Variants in MACF1 observed in about 807,000 individuals in gnomAD.
The protein encoded by MACF1 is microtubule-actin cross-linking factor 1.
MACF1 carries 193 observed loss-of-function variants against 854.8 expected under a neutral mutation model. The observed-to-expected ratio is 0.23, with a 90% CI of 0.20 to 0.25. The LOEUF (loss-of-function observed/expected upper bound fraction) is 0.25, where lower values mean the gene tolerates loss of function less well. Ranked by LOEUF, MACF1 falls within the 10% of genes least tolerant of loss-of-function variation. The pLI is 1.00. For synonymous variants in MACF1, 3,185 were observed against 3,226.7 expected (o/e 0.99, Z 0.44); for missense variants, 7,722 against 8,929.1 (o/e 0.86, Z 5.45).
intron 43 of MACF1, among the ~76,000 whole-genome samples, chr1:39,351,512 C>T (rs1352035972): frequency 6.7e-6 from 1 of 148,384 alleles, no homozygotes; most frequent in East Asian, 2.0e-4. Flanking sequence ...AGTCCTCTGA[C>T]TAACTGAAAA....
intron 1 of MACF1, among the ~76,000 whole-genome samples, chr1:39,228,284 T>G (rs1297666808): frequency 6.6e-6 from 1 of 152,072 alleles, no homozygotes; most frequent in Non-Finnish European, 1.5e-5. Context: ...CACTCCAGCC[T>G]GGGTGACAAA....
At chr1:39,183,836 G>T (rs914115235) in intron 2 of MACF1, among the ~76,000 whole-genome samples, 12 of 152,272 alleles carry the variant, frequency 7.9e-5, no homozygotes, top group African/African-American at 2.9e-4. Flanking sequence ...TATAGCGAGA[G>T]TAGCTGCAGA....
intron 51 of MACF1, among the ~76,000 whole-genome samples, chr1:39,371,005 G>A (rs59559317): frequency 0.03 from 4,502 of 152,190 alleles, 211 homozygotes; most frequent in African/African-American, 0.1. Context: ...ATAGTTTGGG[G>A]ACTGTGGCTC....
Position 39,332,968 on chromosome 1 carries a change from G to A in MACF1, c.6380G>A (p.Ser2127Asn). 1 of 1,614,164 alleles carries A rather than the reference G, an allele frequency of 6.2e-7. No homozygotes were observed. The highest frequency in any genetic ancestry group is 8.5e-7 in the Non-Finnish European group (1 of 1,180,046). Residue 2127 changes from serine to asparagine, a missense_variant, in exon 37 of 101, where the codon AGC becomes AAC. Ser to Asn is a conservative substitution (Grantham distance 46). Around this residue, in one of 15 missense-constraint regions of MACF1, gnomAD observed 1,531 missense variants for 1,601.6 expected, o/e 0.96. Transcript: ENST00000564288. ...GCAGTGTCTGTCAGAGAAAATGCCA[G>A]CAGGGGACACCTCCTGACCATACCT... ...QTAVSVRENA[S>N]RGHLLTIPPA...
chr1:39,426,666 A>G (rs2148644216), intron 61 of MACF1, among the ~76,000 whole-genome samples: 1 of 152,292 alleles, frequency 6.6e-6, no homozygotes, highest in East Asian at 1.9e-4. Flanking sequence ...GGTCTCAGTG[A>G]CAGTCATGTA....
intron 99 of MACF1, among the ~76,000 whole-genome samples, chr1:39,482,510 TTTTG>T (rs139228213): frequency 0.22 from 32,868 of 151,776 alleles, 3,672 homozygotes; most frequent in Non-Finnish European, 0.24. Flanking sequence ...TTGGGGGTTT[TTTTG>T]TTTGTTTGTT....
intron 58 of MACF1, among the ~76,000 whole-genome samples, chr1:39,403,290 G>C (rs1051651778): frequency 2.6e-5 from 4 of 152,012 alleles, no homozygotes; most frequent in Admixed American, 1.3e-4. Context: ...GTAGAGACGG[G>C]GTTTCGCCAT....
intron 100 of MACF1, 118 bp from the exon 101 acceptor site, chr1:39,485,420 C>A: frequency 1.7e-6 from 2 of 1,192,136 alleles, no homozygotes; most frequent in South Asian, 1.6e-5. Context: ...AACTGGGGTG[C>A]AGAAAGGCTG....
In MACF1 at chr1:39,332,184, C is replaced by G. The variant is rs1293417526; in HGVS notation, c.5596C>G (p.Leu1866Val). 3 of 1,613,868 alleles carry G rather than the reference C, an allele frequency of 1.9e-6. No individual in the cohort carries two copies. The highest frequency in any genetic ancestry group is 2.5e-6 in the Non-Finnish European group (3 of 1,180,026). ...AGAGATCCTCCCAATTACAGATGCCCTAGAACAAGGTATTGTGTCTACTGA... is the reference window on the plus strand; with the variant it reads ...AGAGATCCTCCCAATTACAGATGCCGTAGAACAAGGTATTGTGTCTACTGA... ...SGEILPITDA[L>V]EQGIVSTELA... Residue 1866 changes from leucine to valine, a missense_variant, in exon 37 of 101, where the codon CTA becomes GTA. Coordinates refer to ENST00000564288, the MANE Select transcript of MACF1 (RefSeq NM_001394062.1).
At position 39,349,605 on chromosome 1, in the gene MACF1, A is replaced by G. The variant is rs771291428; in HGVS notation, c.10943A>G (p.Gln3648Arg). The G allele has an allele frequency of 1.9e-6, 3 of 1,614,078 alleles. No homozygotes were observed. The Admixed American group carries it at 5.0e-5, about 27-fold the overall frequency. The change falls in exon 42 of 101, where the codon CAG (glutamine) becomes CGG (arginine). Residue 3648 changes from glutamine (Q) to arginine (R), a missense_variant. Transcript: ENST00000564288. ...RTTQQDLSAL[Q>R]KNQSDLKDLQ... is the part of the protein sequence containing the mutation. Reference sequence around the variant, plus strand: ...ACCCAGCAGGATCTCTCTGCTTTGCAGAAGAACCAAAGTGACTTGAAGGTC... The same window carrying G: ...ACCCAGCAGGATCTCTCTGCTTTGCGGAAGAACCAAAGTGACTTGAAGGTC...
chr1:39,166,842 T>G (rs2148215731), intron 2 of MACF1, among the ~76,000 whole-genome samples: 1 of 152,300 alleles, frequency 6.6e-6, no homozygotes, highest in East Asian at 1.9e-4. Context: ...CTGGCAGCAG[T>G]GTGAAAGATC....
chr1:39,380,365 A>G lies in MACF1; in HGVS notation c.13640A>G (p.Glu4547Gly). 1 of 1,612,914 alleles carries G rather than the reference A, an allele frequency of 6.2e-7. No individual in the cohort carries two copies. The highest frequency in any genetic ancestry group is 8.5e-7 in the Non-Finnish European group (1 of 1,179,552). ...QEAENWKKIQEELNSRWERAT... is the reference protein window; with the variant it reads ...QEAENWKKIQGELNSRWERAT... ...GCAGAAAATTGGAAGAAAATTCAGGAAGAACTCAGTAAGTTTTCACAAGAG... is the reference window on the plus strand; with the variant it reads ...GCAGAAAATTGGAAGAAAATTCAGGGAGAACTCAGTAAGTTTTCACAAGAG... Residue 4547 changes from glutamate (E) to glycine (G), a missense_variant, in exon 55 of 101, where the codon GAA (glutamate) becomes GGA (glycine). Glu to Gly is a moderately conservative substitution (Grantham distance 98). Coordinates refer to ENST00000564288, the MANE Select transcript of MACF1 (RefSeq NM_001394062.1).
intron 2 of MACF1, among the ~76,000 whole-genome samples, chr1:39,185,339 A>G (rs1276628224): frequency 2.6e-5 from 4 of 151,760 alleles, no homozygotes; most frequent in Non-Finnish European, 5.9e-5. Flanking sequence ...AAGATATATC[A>G]GAAGAGCTGG....
intron 46 of MACF1, 40 bp from the exon 47 acceptor site, chr1:39,359,101 A>G (rs957851826): frequency 6.2e-7 from 1 of 1,611,516 alleles, no homozygotes; most frequent in African/African-American, 1.3e-5. Context: ...ATCTTTGATT[A>G]CTTAGATGTT....
In MACF1 at chr1:39,334,821, G is replaced by C. The variant is rs1490919668; in HGVS notation, c.8233G>C (p.Ala2745Pro). 6.2e-7 allele frequency: 1 copy of C among 1,614,028 alleles called. No homozygotes were observed. The highest frequency in any genetic ancestry group is 1.3e-5 in the African/African-American group (1 of 74,932). ...TGATCAGAGAGTGACTTTAGTAGAA[G>C]CTATTGAGAAAAGACTGATCAGCCC... ...FSDQRVTLVE[A>P]IEKRLISPEL... Residue 2745 changes from alanine to proline, a missense_variant, in exon 37 of 101, where the codon GCT becomes CCT. By Grantham distance (27) the Ala-to-Pro change is conservative (BLOSUM62 -1). This residue lies in a region of MACF1 where 1,531 missense variants were observed against 1,601.6 expected (regional missense o/e 0.96). Coordinates refer to ENST00000564288, the MANE Select transcript of MACF1 (RefSeq NM_001394062.1).
intron 22 of MACF1, 139 bp from the exon 23 acceptor site, chr1:39,302,785 A>T (rs1368008023): frequency 1.4e-6 from 1 of 718,050 alleles, no homozygotes; most frequent in Non-Finnish European, 2.2e-6. Context: ...CAAAAATCAG[A>T]AGCCCTCACT....
chr1:39,264,126 A>T (rs1645201951), intron 6 of MACF1, among the ~76,000 whole-genome samples: 1 of 152,182 alleles, frequency 6.6e-6, no homozygotes, highest in Non-Finnish European at 1.5e-5. Flanking sequence ...GCAGCTGTGT[A>T]ACACATCTAT....
chr1:39,268,922 C>T (rs551397317), intron 6 of MACF1: 61 of 1,287,772 alleles, frequency 4.7e-5, no homozygotes, highest in Middle Eastern at 2.1e-4. Flanking sequence ...AAAAGGAAGA[C>T]GGAGTGGGAG....
intron 58 of MACF1, among the ~76,000 whole-genome samples, chr1:39,417,732 T>G (rs999461655): frequency 3.2e-4 from 35 of 110,158 alleles, no homozygotes; most frequent in African/African-American, 1.0e-3. Context: ...TTTTTTTTTT[T>G]TTTTTTTTTT....
Sources: gnomAD v4.1 joint callset for allele counts (sites outside exome capture counted in the v4.1 genomes callset) on GRCh38, gnomAD v4.1.1 for gene constraint, gnomAD v4.1.1 regional missense constraint, MANE v1.5 for transcripts, NCBI Gene and HGNC (gene_info 2026-07-23, HGNC 2026-07-21) for gene names.